The following NET1 variants were observed in gnomAD, a reference collection of about 807,000 sequenced individuals.
The protein encoded by NET1 is neuroepithelial cell-transforming gene 1 protein.
Under a neutral mutation model 61.1 loss-of-function variants are expected in NET1, and 42 were observed. That is an observed-to-expected ratio of 0.69 (90% CI 0.54 to 0.89). The LOEUF is 0.89. Ranked by LOEUF, NET1 falls within the 40% of genes least tolerant of loss-of-function variation. NET1 has a pLI of 0.00. For missense variants in NET1, 654 were observed against 747.3 expected, an observed-to-expected ratio of 0.88 and a Z score of 1.46; for synonymous variants, 254 against 281.8, an observed-to-expected ratio of 0.90 and a Z score of 0.99.
At position 5,454,175 on chromosome 10, in the gene NET1, C is replaced by G. The variant is rs1832757670; in HGVS notation, c.769-90C>G. On this transcript the variant is annotated intron_variant, in intron 8 of 11. Transcript: ENST00000355029. This position sits in a 1 kb window ranked among gnomAD's most constrained non-coding sequence, Gnocchi z 8.1. ...AGCTTGTTAAAACTCTCAAGAATAG[C>G]TGTACATTTTGTGTTTCATGTTTGC... The G allele has an allele frequency of 7.8e-7, 1 of 1,289,926 alleles. No homozygotes were observed. Among genetic ancestry groups the G allele is most frequent in the African/African-American group, 1.5e-5 (1 of 67,356 alleles). 79.9% of individuals were successfully genotyped at this position (1,289,926 alleles called of 1,614,324 possible).
At chr10:5,438,858 C>T (rs1223609996) in intron 3 of NET1, among the ~76,000 whole-genome samples, 4 of 152,230 alleles carry the variant, frequency 2.6e-5, no homozygotes, top group Non-Finnish European at 5.9e-5. Flanking sequence ...CTAAACCAGC[C>T]TTGGTAAAAG....
chr10:5,454,122 C>T lies in NET1; in HGVS notation c.769-143C>T, dbSNP rs1832756549. 2 of 848,562 alleles carry T rather than the reference C, an allele frequency of 2.4e-6. No individual in the cohort carries two copies. The highest frequency in any genetic ancestry group is 4.9e-5 in the East Asian group (2 of 40,494). The allele number at this position is 848,562 out of a possible 1,614,324, so 52.6% of individuals were successfully genotyped here. A position where few individuals can be genotyped will look rare whatever the true frequency, so the allele number is the denominator to read the frequency against. On this transcript the variant is annotated intron_variant, in intron 8 of 11. Transcript: ENST00000355029. This position sits in a 1 kb window ranked among gnomAD's most constrained non-coding sequence, Gnocchi z 8.1. Reference sequence around the variant, plus strand: ...TGATTGCTAAAATGCTATTCAGCTTCCATTATTATCTGCCAGAAAATGTCC... The same window carrying T: ...TGATTGCTAAAATGCTATTCAGCTTTCATTATTATCTGCCAGAAAATGTCC...
At position 5,452,540 on chromosome 10, in the gene NET1, A is replaced by G. The variant is rs1246371353; in HGVS notation, c.531+15A>G. The G allele has an allele frequency of 5.1e-6, 8 of 1,583,566 alleles. No homozygotes were observed. Among genetic ancestry groups the G allele is most frequent in the Non-Finnish European group, 6.0e-6 (7 of 1,164,958 alleles). ...GACGGCAGGAGGTATGCTGGCACTC[A>G]GTGTACATGTTTTCCCAAAAGAACA... On this transcript the variant is annotated intron_variant, in intron 5 of 11. Transcript: ENST00000355029. The surrounding 1 kb of genome is among the most constrained non-coding windows in gnomAD (Gnocchi z 4.0).
chr10:5,439,035 A>G lies in NET1; in HGVS notation c.255+9806A>G, dbSNP rs1832483234. Among the ~76,000 whole-genome samples, 1 of 152,228 alleles carries G rather than the reference A, an allele frequency of 6.6e-6. No individual in the cohort carries two copies. Among genetic ancestry groups the G allele is most frequent in the African/African-American group, 2.4e-5 (1 of 41,456 alleles). ...ACAAGGCTCCTTCCACTTTGTGGCC[A>G]TTCTCATAGGCCCATCCATATGCCT... is the stretch of plus-strand genomic sequence containing the variant. On this transcript the variant is annotated intron_variant, in intron 3 of 11. Coordinates refer to ENST00000355029, the MANE Select transcript of NET1 (RefSeq NM_001047160.3). The surrounding 1 kb of genome is among the most constrained non-coding windows in gnomAD (Gnocchi z 4.8).
In NET1 at chr10:5,451,738, A is replaced by C. The variant is rs937700491; in HGVS notation, c.256-92A>C. ...TTTCTGTATTTTATAATGTACAAAA[A>C]TTGTTTTGTGAGAGGGCTTTACTTT... On this transcript the variant is annotated intron_variant, in intron 3 of 11. Coordinates refer to ENST00000355029, the MANE Select transcript of NET1 (RefSeq NM_001047160.3). The surrounding 1 kb of genome is among the most constrained non-coding windows in gnomAD (Gnocchi z 6.1). The C allele has an allele frequency of 3.5e-6, 3 of 862,944 alleles. 1 individual carries two copies. The highest frequency in any genetic ancestry group is 5.4e-6 in the Non-Finnish European group (3 of 557,128). The allele number at this position is 862,944 out of a possible 1,614,324, so 53.5% of individuals were successfully genotyped here.
chr10:5,436,095 G>A (rs1198875014), intron 3 of NET1, among the ~76,000 whole-genome samples: 1 of 149,736 alleles, frequency 6.7e-6, no homozygotes, highest in Non-Finnish European at 1.5e-5. Flanking sequence ...ATGTTTTAAA[G>A]TATGTTCTTT....
Position 5,457,977 on chromosome 10 carries a change from AAG to A in NET1, c.*988_*989del, listed in dbSNP as rs1313231315. 2.6e-5 allele frequency: 4 copies of A among 152,370 alleles called. No individual in the cohort carries two copies. Among genetic ancestry groups the A allele is most frequent in the African/African-American group, 9.7e-5 (4 of 41,438 alleles). The allele number at this position is 152,370 out of a possible 1,614,324, so 9.4% of individuals were successfully genotyped here. On this transcript the variant is annotated 3_prime_UTR_variant, in exon 12 of 12. Coordinates refer to ENST00000355029, the MANE Select transcript of NET1 (RefSeq NM_001047160.3). This position sits in a 1 kb window ranked among gnomAD's most constrained non-coding sequence, Gnocchi z 5.4. Reference sequence around the variant, plus strand: ...GTGAGTTAAAAGAAAAAGAGAGGAAAAGAGAGTAGTTTTGTCTTCAAGTAAAA... The same window carrying A: ...GTGAGTTAAAAGAAAAAGAGAGGAAAAGAGTAGTTTTGTCTTCAAGTAAAA...
chr10:5,433,798 C>G (rs1449804606), intron 3 of NET1, among the ~76,000 whole-genome samples: 3 of 151,744 alleles, frequency 2.0e-5, no homozygotes, highest in Non-Finnish European at 4.4e-5. Flanking sequence ...TATCTTGGAT[C>G]TTCATCTTTT....
In NET1 at chr10:5,439,301, C is replaced by G. The variant is rs907820111; in HGVS notation, c.255+10072C>G. 6.6e-6 allele frequency among the ~76,000 whole-genome samples: 1 copy of G among 152,156 alleles called. No individual in the cohort carries two copies. The highest frequency in any genetic ancestry group is 2.1e-4 in the South Asian group (1 of 4,824). On this transcript the variant is annotated intron_variant, in intron 3 of 11. Transcript: ENST00000355029. The surrounding 1 kb of genome is among the most constrained non-coding windows in gnomAD (Gnocchi z 4.8). ...AATAGTGGTCCATTTTCTGCTCATA[C>G]CAACATATGAAGCTAATTCATGTGT... is the stretch of plus-strand genomic sequence containing the variant.
In NET1 at chr10:5,443,604, T is replaced by G. The variant is rs1356610312; in HGVS notation, c.256-8226T>G. 6.6e-6 allele frequency among the ~76,000 whole-genome samples: 1 copy of G among 152,192 alleles called. No individual in the cohort carries two copies. Among genetic ancestry groups the G allele is most frequent in the African/African-American group, 2.4e-5 (1 of 41,460 alleles). Reference sequence around the variant, plus strand: ...CAGTTGAACTTCCGCATGTTCATCATTCCTTTTTTAGATGCTGTCTACATT... The same window carrying G: ...CAGTTGAACTTCCGCATGTTCATCAGTCCTTTTTTAGATGCTGTCTACATT... On this transcript the variant is annotated intron_variant, in intron 3 of 11. Coordinates refer to ENST00000355029, the MANE Select transcript of NET1 (RefSeq NM_001047160.3). The surrounding 1 kb of genome is among the most constrained non-coding windows in gnomAD (Gnocchi z 4.8).
chr10:5,418,842 C>T (rs1423715765), intron 1 of NET1, among the ~76,000 whole-genome samples: 1 of 152,100 alleles, frequency 6.6e-6, no homozygotes, highest in Non-Finnish European at 1.5e-5. Flanking sequence ...TTAGCTGCAT[C>T]TCATAAATTT....
At position 5,427,552 on chromosome 10, in the gene NET1, A is replaced by G. The variant is rs1465812435; in HGVS notation, c.195+831A>G. ...CAAAGAGGCTCACAGATAAATACAC[A>G]AGCAGGATTTATGGTTAGTTGGCCT... On this transcript the variant is annotated intron_variant, in intron 2 of 11. Transcript: ENST00000355029. The surrounding 1 kb of genome is among the most constrained non-coding windows in gnomAD (Gnocchi z 4.1). Among the ~76,000 whole-genome samples the G allele has an allele frequency of 6.6e-6, 1 of 152,160 alleles. No individual in the cohort carries two copies. Among genetic ancestry groups the G allele is most frequent in the African/African-American group, 2.4e-5 (1 of 41,434 alleles).
chr10:5,419,859 C>T (rs1213000119), intron 1 of NET1, among the ~76,000 whole-genome samples: 2 of 149,894 alleles, frequency 1.3e-5, no homozygotes, highest in East Asian at 3.9e-4. Context: ...CTTCTGTCTT[C>T]CATTGTTTCT....
rs932859922 is a variant in NET1, at chr10:5,453,110, A to G, written c.595-140A>G. 1.8e-5 allele frequency: 13 copies of G among 725,936 alleles called. No homozygotes were observed. Among genetic ancestry groups the G allele is most frequent in the African/African-American group, 1.4e-4 (8 of 56,678 alleles). 45.0% of individuals were successfully genotyped at this position (725,936 alleles called of 1,614,324 possible). On this transcript the variant is annotated intron_variant, in intron 6 of 11. Transcript: ENST00000355029. This position sits in a 1 kb window ranked among gnomAD's most constrained non-coding sequence, Gnocchi z 4.9. ...TAGTAAGAGAGTTTATTTGGGGATT[A>G]ATACATACTAATTTATTTTATGTGT...
Position 5,449,933 on chromosome 10 carries a change from T to C in NET1, c.256-1897T>C, listed in dbSNP as rs1269655492. Among the ~76,000 whole-genome samples, 1 of 152,212 alleles carries C rather than the reference T, an allele frequency of 6.6e-6. No homozygotes were observed. The highest frequency in any genetic ancestry group is 2.4e-5 in the African/African-American group (1 of 41,446). ...AAGCGGAACAGAACTTTCTGACAAC[T>C]GCTTTGTTCCAGTGAAATGTCGGCA... On this transcript the variant is annotated intron_variant, in intron 3 of 11. Transcript: ENST00000355029. The surrounding 1 kb of genome is among the most constrained non-coding windows in gnomAD (Gnocchi z 4.4).
At position 5,426,796 on chromosome 10, in the gene NET1, C is replaced by T. The variant is rs1311507895; in HGVS notation, c.195+75C>T. The T allele has an allele frequency of 9.5e-7, 1 of 1,056,436 alleles. No homozygotes were observed. Among genetic ancestry groups the T allele is most frequent in the Admixed American group, 2.4e-5 (1 of 41,508 alleles). The allele number at this position is 1,056,436 out of a possible 1,614,324, so 65.4% of individuals were successfully genotyped here. The stretch of plus-strand genomic sequence containing the variant: ...CCCTGGTTTCTTTCAGTCTGTTACA[C>T]AGATCAGTGGTCCTTACTTCTGAGG... On this transcript the variant is annotated intron_variant, in intron 2 of 11. Coordinates refer to ENST00000355029, the MANE Select transcript of NET1 (RefSeq NM_001047160.3). This position sits in a 1 kb window ranked among gnomAD's most constrained non-coding sequence, Gnocchi z 4.6.
intron 3 of NET1, among the ~76,000 whole-genome samples, chr10:5,432,333 C>T (rs1832361431): frequency 6.6e-6 from 1 of 152,196 alleles, no homozygotes; most frequent in Admixed American, 6.5e-5. Context: ...TTCAACTTCA[C>T]CAAAAGTCCA....
In NET1 at chr10:5,458,457, CACAT is replaced by C. The variant is rs995987452; in HGVS notation, c.*1465_*1468del. ...TACTATTAAAAAAAAAAAAAGCACA[CACAT>C]AATCACCCTGAAGGTTTCTTGCCTG... On this transcript the variant is annotated 3_prime_UTR_variant, in exon 12 of 12. Transcript: ENST00000355029. The surrounding 1 kb of genome is among the most constrained non-coding windows in gnomAD (Gnocchi z 4.5). 6.7e-6 allele frequency: 1 copy of C among 150,044 alleles called. No homozygotes were observed. The highest frequency in any genetic ancestry group is 2.5e-5 in the African/African-American group (1 of 40,752). The allele number at this position is 150,044 out of a possible 1,614,324, so 9.3% of individuals were successfully genotyped here.
Position 5,435,601 on chromosome 10 carries a change from ATAT to A in NET1, c.255+6375_255+6377del, listed in dbSNP as rs1220479617. Among the ~76,000 whole-genome samples the A allele has an allele frequency of 6.6e-6, 1 of 152,212 alleles. No individual in the cohort carries two copies. The highest frequency in any genetic ancestry group is 2.4e-5 in the African/African-American group (1 of 41,458). On this transcript the variant is annotated intron_variant, in intron 3 of 11. Transcript: ENST00000355029. This position sits in a 1 kb window ranked among gnomAD's most constrained non-coding sequence, Gnocchi z 5.0. ...CGTAAATATTGAATTAATGAATGAA[ATAT>A]TAATAATACAGGTCAAATGAATGAC...
Sources: gnomAD v4.1 joint callset for allele counts (sites outside exome capture counted in the v4.1 genomes callset) on GRCh38, gnomAD v4.1.1 for gene constraint, Gnocchi (gnomAD v3.1) non-coding constraint, MANE v1.5 for transcripts, NCBI Gene and HGNC (gene_info 2026-07-23, HGNC 2026-07-21) for gene names.